The following MAP2K6 variants were observed in gnomAD, a reference collection of about 807,000 sequenced individuals.
MAP2K6 encodes dual specificity mitogen-activated protein kinase kinase 6.
In MAP2K6, 16 loss-of-function variants were observed where a neutral mutation model predicts 53.7. The observed-to-expected ratio is 0.30, with a 90% CI of 0.20 to 0.45. The LOEUF is 0.45. Among genes scored for constraint, MAP2K6 ranks in the 20% least tolerant of loss-of-function variants. The pLI is 1.00. For synonymous variants in MAP2K6, 132 were observed against 143.1 expected (o/e 0.92, Z 0.55); for missense variants, 204 against 411.9 (o/e 0.50, Z 4.37).
chr17:69,463,105 G>A (rs563024739), intron 1 of MAP2K6, among the ~76,000 whole-genome samples: 4 of 151,936 alleles, frequency 2.6e-5, no homozygotes, highest in South Asian at 2.1e-4. Flanking sequence ...ACCAGCCACC[G>A]GGACACCTCC....
intron 1 of MAP2K6, among the ~76,000 whole-genome samples, chr17:69,499,795 T>G (rs1909082716): frequency 6.6e-6 from 1 of 151,964 alleles, no homozygotes; most frequent in East Asian, 1.9e-4. Flanking sequence ...TGAGAAAAGG[T>G]TTGCGGGAAA....
intron 1 of MAP2K6, among the ~76,000 whole-genome samples, chr17:69,455,009 G>A (rs942678002): frequency 6.6e-6 from 1 of 150,414 alleles, no homozygotes; most frequent in Non-Finnish European, 1.5e-5. Context: ...CTAAGCAAGA[G>A]TTGGAGAGTC....
chr17:69,524,337 C>G (rs1317869327), intron 8 of MAP2K6, among the ~76,000 whole-genome samples: 1 of 151,604 alleles, frequency 6.6e-6, no homozygotes. Flanking sequence ...GCTTAAATTA[C>G]CCAAACAAGG....
intron 1 of MAP2K6, among the ~76,000 whole-genome samples, chr17:69,487,317 C>G (rs931916663): frequency 2.6e-5 from 4 of 152,106 alleles, no homozygotes; most frequent in African/African-American, 9.7e-5. Flanking sequence ...ACAAGGTCCT[C>G]GAAACAGAGG....
intron 1 of MAP2K6, among the ~76,000 whole-genome samples, chr17:69,468,671 AG>A (rs1907890145): frequency 6.6e-6 from 1 of 152,218 alleles, no homozygotes; most frequent in African/African-American, 2.4e-5. Flanking sequence ...GAAGGGAGCC[AG>A]GGGTGTCCAA....
intron 1 of MAP2K6, among the ~76,000 whole-genome samples, chr17:69,437,649 AG>A (rs1351544190): frequency 6.6e-6 from 1 of 152,202 alleles, no homozygotes; most frequent in Non-Finnish European, 1.5e-5. Context: ...TTTATTCACA[AG>A]GTTGTGCAAT....
At chr17:69,526,514 A>G in intron 9 of MAP2K6, 56 bp from the exon 10 acceptor site, 1 of 1,578,892 alleles carries the variant, frequency 6.3e-7, no homozygotes, top group Non-Finnish European at 8.6e-7. Flanking sequence ...AACGTGGGTG[A>G]TTCCCTAAAG....
At chr17:69,499,413 T>C (rs1340273301) in intron 1 of MAP2K6, among the ~76,000 whole-genome samples, 2 of 152,158 alleles carry the variant, frequency 1.3e-5, no homozygotes, top group African/African-American at 4.8e-5. Context: ...CCTGCGGAGA[T>C]TGTACATCAT....
At chr17:69,422,734 G>A (rs1158332056) in intron 1 of MAP2K6, among the ~76,000 whole-genome samples, 1 of 152,130 alleles carries the variant, frequency 6.6e-6, no homozygotes, top group Non-Finnish European at 1.5e-5. Flanking sequence ...CTTAATTTAC[G>A]AGTGAGGAAA....
chr17:69,548,969 T>C lies in MAP2K6; in HGVS notation c.*7216T>C, dbSNP rs11868542. The C allele has an allele frequency of 0.21, 32,403 of 152,024 alleles. 4,146 individuals are homozygous for C. The highest frequency in any genetic ancestry group is 0.36 in the African/African-American group (14,786 of 41,446). 9.4% of individuals were successfully genotyped at this position (152,024 alleles called of 1,614,324 possible). A position where few individuals can be genotyped will look rare whatever the true frequency, so the allele number is the denominator to read the frequency against. ...CTAAGCAGAAACATAAAGTAAAAAA[T>C]TTTGTAGTAGGGAATTTTTGTTGGT... On this transcript the variant is annotated 3_prime_UTR_variant, in exon 12 of 12. Coordinates refer to ENST00000590474, the MANE Select transcript of MAP2K6 (RefSeq NM_002758.4).
Position 69,478,854 on chromosome 17 carries a change from C to A in MAP2K6, c.17-26926C>A, listed in dbSNP as rs191554115. On this transcript the variant is annotated intron_variant, in intron 1 of 11. Transcript: ENST00000590474. ...TGTATTTATCTCTTCCAGTTCTTTT[C>A]TTGGTGGCACTGTTAGCTTATGTGG... Among the ~76,000 whole-genome samples the A allele has an allele frequency of 9.0e-4, 137 of 152,230 alleles. 1 individual carries two copies. The highest frequency in any genetic ancestry group is 3.0e-3 in the African/African-American group (126 of 41,546).
intron 1 of MAP2K6, among the ~76,000 whole-genome samples, chr17:69,431,323 T>C (rs1906455423): frequency 6.6e-6 from 1 of 151,260 alleles, no homozygotes; most frequent in Admixed American, 6.6e-5. Context: ...TATACAATTA[T>C]ACTATATTGT....
chr17:69,447,490 C>A (rs1907009438), intron 1 of MAP2K6, among the ~76,000 whole-genome samples: 2 of 151,898 alleles, frequency 1.3e-5, no homozygotes, highest in South Asian at 4.2e-4. Flanking sequence ...GAATTACAGG[C>A]ACCCGCCACC....
At chr17:69,438,514 A>G (rs1459746698) in intron 1 of MAP2K6, among the ~76,000 whole-genome samples, 2 of 152,196 alleles carry the variant, frequency 1.3e-5, no homozygotes, top group East Asian at 1.9e-4. Flanking sequence ...CATAATCACT[A>G]TATGGTAGGA....
intron 11 of MAP2K6, among the ~76,000 whole-genome samples, chr17:69,537,936 G>T (rs896831998): frequency 2.0e-5 from 3 of 152,100 alleles, no homozygotes; most frequent in Non-Finnish European, 4.4e-5. Context: ...CACCCGCTAG[G>T]CCATTTTAAA....
At chr17:69,428,726 T>C (rs1393681772) in intron 1 of MAP2K6, among the ~76,000 whole-genome samples, 1 of 152,054 alleles carries the variant, frequency 6.6e-6, no homozygotes, top group Non-Finnish European at 1.5e-5. Flanking sequence ...CAGGAGTCTG[T>C]TGGTAGAGGA....
rs1912019033 is a variant in MAP2K6 at position 69,549,683 on chromosome 17, C to T, written c.*7930C>T. Reference sequence around the variant, plus strand: ...CAAACATGCGACCTTATAATAAGAACTTCCTTTAAAGATGAGCAGCAAGGT... The same window carrying T: ...CAAACATGCGACCTTATAATAAGAATTTCCTTTAAAGATGAGCAGCAAGGT... On this transcript the variant is annotated 3_prime_UTR_variant, in exon 12 of 12. Coordinates refer to ENST00000590474, the MANE Select transcript of MAP2K6 (RefSeq NM_002758.4). The T allele has an allele frequency of 6.6e-6, 1 of 152,106 alleles. No individual in the cohort carries two copies. Among genetic ancestry groups the T allele is most frequent in the African/African-American group, 2.4e-5 (1 of 41,426 alleles). The allele number at this position is 152,106 out of a possible 1,614,324, so 9.4% of individuals were successfully genotyped here.
chr17:69,418,103 G>C (rs1905961877), intron 1 of MAP2K6, among the ~76,000 whole-genome samples: 1 of 152,148 alleles, frequency 6.6e-6, no homozygotes, highest in Non-Finnish European at 1.5e-5. Context: ...TCCTTTGTTA[G>C]GTTGTACCAG....
At chr17:69,427,677 A>C (rs1372877041) in intron 1 of MAP2K6, among the ~76,000 whole-genome samples, 1 of 152,172 alleles carries the variant, frequency 6.6e-6, no homozygotes, top group Non-Finnish European at 1.5e-5. Context: ...TGTAAGCCAC[A>C]GGGCAGTTTT....
Sources: allele counts gnomAD v4.1 joint callset (sites outside exome capture counted in the v4.1 genomes callset), GRCh38; gene constraint gnomAD v4.1.1; transcripts MANE v1.5; gene names NCBI Gene and HGNC (gene_info 2026-07-23, HGNC 2026-07-21).